TMC5: variants seen among roughly 807,000 people sequenced by gnomAD.
TMC5 encodes the protein transmembrane channel like 5.
Under a neutral mutation model 110.5 loss-of-function variants are expected in TMC5, and 86 were observed. That is an observed-to-expected ratio of 0.78 (90% CI 0.65 to 0.93). The LOEUF (loss-of-function observed/expected upper bound fraction) is 0.93. TMC5 is among the 40% of genes least tolerant of loss of function. TMC5 has a pLI of 0.00. For synonymous variants in TMC5, 455 were observed against 439.5 expected, an observed-to-expected ratio of 1.04 and a Z score of -0.44; for missense variants, 1,144 against 1,222.8, an observed-to-expected ratio of 0.94 and a Z score of 0.96.
chr16:19,431,623 G>A (rs897812131), intron 2 of TMC5, among the ~76,000 whole-genome samples: 6 of 151,876 alleles, frequency 4.0e-5, no homozygotes, highest in South Asian at 2.1e-4. Context: ...TGCCTCTCTC[G>A]GGGCAACTTC....
intron 3 of TMC5, among the ~76,000 whole-genome samples, chr16:19,443,759 T>C (rs932875850): frequency 1.3e-5 from 2 of 151,988 alleles, no homozygotes; most frequent in Non-Finnish European, 1.5e-5. Flanking sequence ...GATGAATGTA[T>C]GTATGGTTGG....
intron 4 of TMC5, among the ~76,000 whole-genome samples, chr16:19,448,973 C>T (rs1397648644): frequency 6.6e-6 from 1 of 150,460 alleles, no homozygotes; most frequent in Non-Finnish European, 1.5e-5. Flanking sequence ...GCCATTCTGC[C>T]CCAGCCTCCC....
At chr16:19,493,465 C>CTCT (rs71375644) in intron 19 of TMC5, among the ~76,000 whole-genome samples, 2,153 of 74,732 alleles carry the variant, frequency 0.029, 20 homozygotes, top group Middle Eastern at 0.091. Context: ...CTCTCTCTCT[C>CTCT]TTTTTTTTTT....
At chr16:19,492,445 GATT>G (rs1015120409) in intron 19 of TMC5, 4 of 370,142 alleles carry the variant, frequency 1.1e-5, no homozygotes, top group South Asian at 9.0e-5. Flanking sequence ...TAATTATGAT[GATT>G]ATTATTATTA....
chr16:19,433,189 T>G (rs1967230355), intron 2 of TMC5, among the ~76,000 whole-genome samples: 1 of 152,224 alleles, frequency 6.6e-6, no homozygotes, highest in South Asian at 2.1e-4. Flanking sequence ...CATAAAGGTT[T>G]GTTTCTTGCT....
intron 10 of TMC5, among the ~76,000 whole-genome samples, chr16:19,470,904 C>G (rs1271501365): frequency 2.0e-5 from 3 of 151,570 alleles, no homozygotes; most frequent in Non-Finnish European, 4.4e-5. Flanking sequence ...GGCGTGGTGG[C>G]GGGCACCTGT....
intron 7 of TMC5, 54 bp downstream of exon 7, chr16:19,463,421 T>TGAG: frequency 7.1e-7 from 1 of 1,398,832 alleles, no homozygotes; most frequent in East Asian, 2.3e-5. Flanking sequence ...GGGAGGAGAG[T>TGAG]GAGGATGAAA....
At position 19,463,950 on chromosome 16, in the gene TMC5, A is replaced by T; in HGVS notation, c.1411A>T (p.Ile471Phe). The part of the protein sequence containing the change: ...IFSFILNFSF[I>F]IIPQFTVAKK... ...CTCATTCATCCTGAACTTCAGCTTC[A>T]TCATAATCCCTCAGTTTACCGTGGC... The change falls in exon 8 of 22, where the codon ATC (isoleucine) becomes TTC (phenylalanine). Residue 471 changes from isoleucine (I) to phenylalanine (F), a missense_variant. Coordinates refer to ENST00000542583, the MANE Select transcript of TMC5 (RefSeq NM_001261841.2). 1 of 1,614,174 alleles carries T rather than the reference A, an allele frequency of 6.2e-7. No homozygotes were observed. Among genetic ancestry groups the T allele is most frequent in the South Asian group, 1.1e-5 (1 of 91,084 alleles).
chr16:19,424,265 G>A (rs1967044497), intron 1 of TMC5, among the ~76,000 whole-genome samples: 1 of 152,064 alleles, frequency 6.6e-6, no homozygotes, highest in African/African-American at 2.4e-5. Flanking sequence ...CACAACTCAG[G>A]GAAATCTTTA....
rs57096574 is a variant in TMC5, at chr16:19,441,291, G to GT, written c.788+476dup. Among the ~76,000 whole-genome samples the GT allele has an allele frequency of 4.9e-3, 672 of 136,856 alleles. 2 individuals carry two copies. Among genetic ancestry groups the GT allele is most frequent in the African/African-American group, 0.01 (402 of 39,604 alleles). 89.8% of individuals were successfully genotyped at this position (136,856 alleles called of 152,430 possible). A position where few individuals can be genotyped will look rare whatever the true frequency, so the allele number is the denominator to read the frequency against. ...TATGAGATGTTTGCACCACTTCTTT[G>GT]TTTTTTTTTTTGGTCATTTTTTTTT... On this transcript the variant is annotated intron_variant, in intron 3 of 21. Coordinates refer to ENST00000542583, the MANE Select transcript of TMC5 (RefSeq NM_001261841.2).
At chr16:19,453,530 C>T (rs935694907) in intron 5 of TMC5, among the ~76,000 whole-genome samples, 1 of 151,058 alleles carries the variant, frequency 6.6e-6, no homozygotes, top group Non-Finnish European at 1.5e-5. Context: ...CGGAGGTTGC[C>T]GTGAGCTGAG....
Position 19,463,997 on chromosome 16 carries a change from C to G in TMC5, c.1458C>G (p.Phe486Leu), listed in dbSNP as rs113663280. ...FTVAKKNTLQFTGLEFFTGVG... is the reference protein window; with the variant it reads ...FTVAKKNTLQLTGLEFFTGVG... ...TGGCCAAAAAGAACACCCTCCAGTTCACTGGGCTGGAGTTTTTCACTGGGG... is the reference window on the plus strand; with the variant it reads ...TGGCCAAAAAGAACACCCTCCAGTTGACTGGGCTGGAGTTTTTCACTGGGG... The change falls in exon 8 of 22, where the codon TTC becomes TTG. Residue 486 changes from phenylalanine (F) to leucine (L), a missense_variant. Physicochemically the swap from Phe to Leu is conservative, Grantham distance 22. Transcript: ENST00000542583. 6.2e-7 allele frequency: 1 copy of G among 1,614,194 alleles called. No individual in the cohort carries two copies. Among genetic ancestry groups the G allele is most frequent in the African/African-American group, 1.3e-5 (1 of 75,062 alleles).
chr16:19,470,917 T>C (rs962465091), intron 10 of TMC5, among the ~76,000 whole-genome samples: 2 of 151,602 alleles, frequency 1.3e-5, no homozygotes, highest in African/African-American at 4.8e-5. Context: ...GCACCTGTAA[T>C]CCCAGCTACT....
chr16:19,463,475 T>G, intron 7 of TMC5, 108 bp downstream of exon 7: 2 of 1,000,684 alleles, frequency 2.0e-6, no homozygotes. Flanking sequence ...AGCAATTTCA[T>G]TGCCCAGAGC....
intron 12 of TMC5, among the ~76,000 whole-genome samples, chr16:19,476,271 C>T (rs771176255): frequency 1.2e-4 from 18 of 151,872 alleles, no homozygotes; most frequent in Admixed American, 5.3e-4. Context: ...TGCTTGAGCC[C>T]GGGAGGTCAA....
At chr16:19,449,687 T>G in intron 5 of TMC5, 56 bp downstream of exon 5, 1 of 1,503,516 alleles carries the variant, frequency 6.7e-7, no homozygotes, top group South Asian at 1.1e-5. Flanking sequence ...CAAATTGTAA[T>G]CCCCATGTGT....
rs73542130 is a variant in TMC5, at chr16:19,490,793, C to T, written c.2747+225C>T. ...CTTTTTTTCTTTTCTCTTCTCTTCC[C>T]TTCCCCTCCCTCCCTCTCTTTCTCC... is the stretch of plus-strand genomic sequence containing the variant. On this transcript the variant is annotated intron_variant, in intron 18 of 21. Transcript: ENST00000542583. Among the ~76,000 whole-genome samples the T allele has an allele frequency of 9.1e-3, 1,257 of 137,464 alleles. 18 individuals are homozygous for T. The highest frequency in any genetic ancestry group is 0.033 in the African/African-American group (1,194 of 36,416). The allele number at this position is 137,464 out of a possible 152,430, so 90.2% of individuals were successfully genotyped here. A position where few individuals can be genotyped will look rare whatever the true frequency, so the allele number is the denominator to read the frequency against.
At position 19,440,611 on chromosome 16, in the gene TMC5, A is replaced by C. The variant is rs1376233108; in HGVS notation, c.573A>C (p.Thr191=). 1.2e-6 allele frequency: 2 copies of C among 1,614,036 alleles called. No individual in the cohort carries two copies. The highest frequency in any genetic ancestry group is 3.3e-5 in the Admixed American group (2 of 59,996). The change falls in exon 3 of 22, where the codon ACA becomes ACC. Residue 191 remains threonine, a synonymous_variant. Coordinates refer to ENST00000542583, the MANE Select transcript of TMC5 (RefSeq NM_001261841.2). ...GATCCAGAAAGAATCTGGAACATAC[A>C]AGTTTTAGAATCAATCCATACGCAG... ...HPGSRKNLEH[T]SFRINPYADS...
At position 19,492,211 on chromosome 16, in the gene TMC5, C is replaced by T. The variant is rs747263468; in HGVS notation, c.2809C>T (p.His937Tyr). The T allele has an allele frequency of 6.2e-7, 1 of 1,612,946 alleles. No homozygotes were observed. The highest frequency in any genetic ancestry group is 1.1e-5 in the South Asian group (1 of 91,052). Residue 937 changes from histidine (H) to tyrosine (Y), a missense_variant, in exon 19 of 22, where the codon CAT becomes TAT. Transcript: ENST00000542583. Reference sequence around the variant, plus strand: ...AAGGAAGATTATGATAAGGCTGCTCCATGAGCAGATCATTAATGTAAGTCC... The same window carrying T: ...AAGGAAGATTATGATAAGGCTGCTCTATGAGCAGATCATTAATGTAAGTCC... ...EGRKIMIRLLHEQIINEGKDK... is the reference protein window; with the variant it reads ...EGRKIMIRLLYEQIINEGKDK...
Sources: gnomAD v4.1 joint callset for allele counts (sites outside exome capture counted in the v4.1 genomes callset) on GRCh38, gnomAD v4.1.1 for gene constraint, MANE v1.5 for transcripts, NCBI Gene and HGNC (gene_info 2026-07-23, HGNC 2026-07-21) for gene names.